IMPG2: variants seen among roughly 807,000 people sequenced by gnomAD.
The protein encoded by IMPG2 is IPM 200.
Under a neutral mutation model 129.2 loss-of-function variants are expected in IMPG2, and 91 were observed. The ratio of observed to expected loss-of-function variants is 0.70; its 90% CI spans 0.59 to 0.84. IMPG2 has a LOEUF of 0.84. Among genes scored for constraint, IMPG2 ranks in the 40% least tolerant of loss-of-function variants. IMPG2 has a pLI of 0.00. For synonymous variants in IMPG2, 510 were observed against 517.7 expected, an observed-to-expected ratio of 0.99 and a Z score of 0.20; for missense variants, 1,430 against 1,461.7, an observed-to-expected ratio of 0.98 and a Z score of 0.35.
chr3:101,250,783 G>A (rs371416632), intron 11 of IMPG2, among the ~76,000 whole-genome samples: 1 of 152,150 alleles, frequency 6.6e-6, no homozygotes. Flanking sequence ...CACAGATAGG[G>A]AGTGTGGGAG....
chr3:101,249,368 A>G (rs1706519786), intron 11 of IMPG2, among the ~76,000 whole-genome samples: 1 of 152,200 alleles, frequency 6.6e-6, no homozygotes, highest in Admixed American at 6.6e-5. Flanking sequence ...GTGATTAGAC[A>G]ATCCAAAATG....
chr3:101,257,440 G>C, intron 10 of IMPG2, 89 bp downstream of exon 10: 2 of 1,505,862 alleles, frequency 1.3e-6, no homozygotes, highest in Non-Finnish European at 1.8e-6. Context: ...AGAATGGTCA[G>C]AACCTTATAT....
At chr3:101,304,101 C>T (rs753605320) in intron 3 of IMPG2, 45 bp downstream of exon 3, 1 of 1,601,980 alleles carries the variant, frequency 6.2e-7, no homozygotes, top group Admixed American at 1.7e-5. Context: ...TGTGTAAATG[C>T]TCCTACAATA....
chr3:101,284,164 T>C (rs1166663033), intron 4 of IMPG2, among the ~76,000 whole-genome samples: 11 of 152,218 alleles, frequency 7.2e-5, no homozygotes, highest in Admixed American at 7.2e-4. Flanking sequence ...AATAAAGTTG[T>C]CACCAATAGA....
chr3:101,253,224 G>C (rs987373658), intron 11 of IMPG2, among the ~76,000 whole-genome samples: 2 of 152,116 alleles, frequency 1.3e-5, no homozygotes, highest in African/African-American at 4.8e-5. Context: ...TCATCTGTCA[G>C]CTAGTGGATG....
intron 2 of IMPG2, among the ~76,000 whole-genome samples, chr3:101,306,040 C>G (rs1707185691): frequency 6.6e-6 from 1 of 152,162 alleles, no homozygotes. Flanking sequence ...CCTCTGGACT[C>G]CCACAGTCAG....
At chr3:101,301,236 A>G (rs898797690) in intron 3 of IMPG2, among the ~76,000 whole-genome samples, 2 of 152,250 alleles carry the variant, frequency 1.3e-5, no homozygotes, top group African/African-American at 4.8e-5. Context: ...ATCACAGATC[A>G]CATAAGAGAT....
chr3:101,239,717 A>G (rs1336086610), intron 14 of IMPG2, among the ~76,000 whole-genome samples: 1 of 152,266 alleles, frequency 6.6e-6, no homozygotes. Context: ...TGGCACATAT[A>G]CACCATTGAA....
chr3:101,260,687 C>T lies in IMPG2; in HGVS notation c.909-2914G>A, dbSNP rs577120950. Among the ~76,000 whole-genome samples, 5 of 152,270 alleles carry T rather than the reference C, an allele frequency of 3.3e-5. 1 individual carries two copies. In the South Asian group the frequency reaches 1.0e-3, roughly 32 times the overall value. ...TCTTCCACATACACATGTACACACA[C>T]ATACAGATACCTTCTTCACCTGGCT... On this transcript the variant is annotated intron_variant, in intron 9 of 18. Coordinates refer to ENST00000193391, the MANE Select transcript of IMPG2 (RefSeq NM_016247.4).
intron 11 of IMPG2, among the ~76,000 whole-genome samples, chr3:101,253,296 T>C (rs900569930): frequency 5.3e-5 from 8 of 152,158 alleles, no homozygotes; most frequent in Non-Finnish European, 1.0e-4. Context: ...TAATCATTTT[T>C]TCACTATAAT....
At chr3:101,247,525 C>T (rs182826353) in intron 11 of IMPG2, among the ~76,000 whole-genome samples, 81 of 151,862 alleles carry the variant, frequency 5.3e-4, no homozygotes, top group East Asian at 2.9e-3. Flanking sequence ...TGAACCCGGG[C>T]GGCGGAGGCT....
At chr3:101,279,159 A>G (rs1044244709) in intron 4 of IMPG2, among the ~76,000 whole-genome samples, 4 of 148,566 alleles carry the variant, frequency 2.7e-5, no homozygotes. Flanking sequence ...TTTCAATAAT[A>G]ACAGCAAGAA....
In IMPG2 at chr3:101,246,415, T is replaced by C. The variant is rs140514029; in HGVS notation, c.1240-310A>G. Among the ~76,000 whole-genome samples the C allele has an allele frequency of 1.9e-4, 29 of 152,358 alleles. No homozygotes were observed. In the East Asian group the frequency reaches 5.2e-3, roughly 27 times the overall value. ...TTTTTTTGCTTTAGATGGTTCATTT[T>C]CCTCTGTGTTTTTAGCTTAAATGAC... On this transcript the variant is annotated intron_variant, in intron 11 of 18. Transcript: ENST00000193391.
intron 11 of IMPG2, among the ~76,000 whole-genome samples, chr3:101,253,239 T>TCTC (rs1401940888): frequency 6.6e-6 from 1 of 152,136 alleles, no homozygotes; most frequent in Non-Finnish European, 1.5e-5. Flanking sequence ...TGGATGATAT[T>TCTC]CTTTCTCTCC....
rs1166984051 is a variant in IMPG2, at chr3:101,232,861, C to A, written c.3153G>T (p.Gln1051His). 6.2e-7 allele frequency: 1 copy of A among 1,613,822 alleles called. No homozygotes were observed. Among genetic ancestry groups the A allele is most frequent in the African/African-American group, 1.3e-5 (1 of 74,952 alleles). ...AGTCAGGCTGTAGGTCACAGAGACTCTGACAGGGCCGTTCTTCCACACTCA... is the reference window on the plus strand; with the variant it reads ...AGTCAGGCTGTAGGTCACAGAGACTATGACAGGGCCGTTCTTCCACACTCA... ...GYLSVEERPC[Q>H]SLCDLQPDFC... Residue 1051 changes from glutamine (Q) to histidine (H), a missense_variant, in exon 15 of 19, where the codon CAG becomes CAT. By Grantham distance (24) the Gln-to-His change is conservative. Coordinates refer to ENST00000193391, the MANE Select transcript of IMPG2 (RefSeq NM_016247.4).
At chr3:101,242,635 A>G in intron 14 of IMPG2, 53 bp downstream of exon 14, 1 of 1,320,236 alleles carries the variant, frequency 7.6e-7, no homozygotes, top group South Asian at 1.2e-5. Flanking sequence ...GAAAACACAC[A>G]AGAATAATCA....
chr3:101,255,329 T>C (rs1448716692), intron 10 of IMPG2, among the ~76,000 whole-genome samples: 1 of 152,142 alleles, frequency 6.6e-6, no homozygotes, highest in Non-Finnish European at 1.5e-5. Flanking sequence ...TAGTTGGTAC[T>C]AGATATTGTA....
intron 15 of IMPG2, among the ~76,000 whole-genome samples, chr3:101,232,223 A>AT (rs11449916): frequency 0.63 from 94,366 of 148,828 alleles, 29,980 homozygotes; most frequent in Admixed American, 0.68. Flanking sequence ...TAGGATTTTT[A>AT]TTTTTTTTTT....
intron 15 of IMPG2, among the ~76,000 whole-genome samples, chr3:101,232,218 T>A (rs1437221776): frequency 2.3e-5 from 2 of 85,468 alleles, no homozygotes; most frequent in African/African-American, 8.6e-5. Flanking sequence ...CTCAGTAGGA[T>A]TTTTATTTTT....
Sources: gnomAD v4.1 joint callset for allele counts (sites outside exome capture counted in the v4.1 genomes callset) on GRCh38, gnomAD v4.1.1 for gene constraint, MANE v1.5 for transcripts, NCBI Gene and HGNC (gene_info 2026-07-23, HGNC 2026-07-21) for gene names.